Variants in CNTNAP2 observed in about 807,000 individuals in gnomAD.
CNTNAP2 encodes contactin-associated protein-like 2.
CNTNAP2 carries 98 observed loss-of-function variants against 155.2 expected under a neutral mutation model. The observed-to-expected ratio is 0.63, with a 90% CI of 0.54 to 0.75. The LOEUF is 0.75. Ranked by LOEUF, CNTNAP2 falls within the 30% of genes least tolerant of loss-of-function variation. CNTNAP2 has a pLI of 0.00. For missense variants in CNTNAP2, 1,727 were observed against 1,688.1 expected (o/e 1.02, Z -0.40); for synonymous variants, 651 against 631.2 (o/e 1.03, Z -0.47).
intron 1 of CNTNAP2, among the ~76,000 whole-genome samples, chr7:146,325,864 CATGAT>C (rs1303069522): frequency 1.3e-5 from 2 of 152,094 alleles, no homozygotes; most frequent in African/African-American, 2.4e-5. Context: ...TTAAATATGA[CATGAT>C]ATGATGACAT....
At chr7:147,451,674 C>T (rs1357447761) in intron 10 of CNTNAP2, among the ~76,000 whole-genome samples, 2 of 151,868 alleles carry the variant, frequency 1.3e-5, no homozygotes, top group Non-Finnish European at 2.9e-5. Context: ...TCTTGCCTAT[C>T]CCCACCCAAC....
intron 21 of CNTNAP2, among the ~76,000 whole-genome samples, chr7:148,334,970 C>G (rs1464581730): frequency 6.6e-6 from 1 of 152,208 alleles, no homozygotes; most frequent in Non-Finnish European, 1.5e-5. Flanking sequence ...TGAGGTGGAA[C>G]CACTCAAAGA....
At chr7:146,307,309 A>G (rs1266337693) in intron 1 of CNTNAP2, among the ~76,000 whole-genome samples, 1 of 152,174 alleles carries the variant, frequency 6.6e-6, no homozygotes, top group Non-Finnish European at 1.5e-5. Context: ...ACTACAAACC[A>G]CTGCTCAATG....
intron 1 of CNTNAP2, among the ~76,000 whole-genome samples, chr7:146,712,283 TGTATACATATCTTATGTATACTATATA>T (rs1563199237): frequency 0.01 from 195 of 19,240 alleles, 2 homozygotes; most frequent in African/African-American, 0.011. Flanking sequence ...TATACATATA[TGTATACATATCTTATGTATACTATATA>T]GTATACATAT....
Position 147,749,208 on chromosome 7 carries a change from T to C in CNTNAP2, c.2098+109902T>C, listed in dbSNP as rs187329001. ...TTGTATACAAATATGTGTTTATGAA[T>C]CAGAATTATTCAGTATCTATACTGT... On this transcript the variant is annotated intron_variant, in intron 13 of 23. Transcript: ENST00000361727. Among the ~76,000 whole-genome samples the C allele has an allele frequency of 4.2e-3, 645 of 152,306 alleles. 2 individuals carry two copies. Among genetic ancestry groups the C allele is most frequent in the Middle Eastern group, 0.017 (5 of 294 alleles).
Position 146,216,479 on chromosome 7 carries a change from C to G in CNTNAP2, c.97+99506C>G, listed in dbSNP as rs370771335. 7.2e-5 allele frequency among the ~76,000 whole-genome samples: 11 copies of G among 152,144 alleles called. No individual in the cohort carries two copies. In the East Asian group the frequency reaches 1.5e-3, roughly 21 times the overall value. On this transcript the variant is annotated intron_variant, in intron 1 of 23. Coordinates refer to ENST00000361727, the MANE Select transcript of CNTNAP2 (RefSeq NM_014141.6). The stretch of plus-strand genomic sequence containing the variant: ...ACTTCAAAATCCTGCCTCAGCACAC[C>G]CTGTTCCTTTTTCTTTGCACTCCCC...
chr7:147,648,787 G>A (rs1208400048), intron 13 of CNTNAP2, among the ~76,000 whole-genome samples: 1 of 152,146 alleles, frequency 6.6e-6, no homozygotes, highest in African/African-American at 2.4e-5. Context: ...AGATTTGGGT[G>A]TGGACACAGC....
intron 13 of CNTNAP2, among the ~76,000 whole-genome samples, chr7:147,740,472 C>G (rs1408031403): frequency 2.6e-5 from 4 of 152,116 alleles, no homozygotes; most frequent in Non-Finnish European, 5.9e-5. Flanking sequence ...GAAATTACCT[C>G]ATTAAATAAT....
At chr7:146,645,639 C>G (rs970086121) in intron 1 of CNTNAP2, among the ~76,000 whole-genome samples, 1 of 152,128 alleles carries the variant, frequency 6.6e-6, no homozygotes, top group African/African-American at 2.4e-5. Flanking sequence ...AACAGCTTGA[C>G]TGAGATATAT....
At chr7:146,723,592 G>A (rs1801377128) in intron 1 of CNTNAP2, among the ~76,000 whole-genome samples, 1 of 152,118 alleles carries the variant, frequency 6.6e-6, no homozygotes, top group South Asian at 2.1e-4. Context: ...GAGAATTATT[G>A]TTACTAATGA....
chr7:147,346,939 A>T lies in CNTNAP2; in HGVS notation c.1498+46649A>T, dbSNP rs77031412. On this transcript the variant is annotated intron_variant, in intron 9 of 23. Coordinates refer to ENST00000361727, the MANE Select transcript of CNTNAP2 (RefSeq NM_014141.6). The stretch of plus-strand genomic sequence containing the variant: ...TTTTTACTTGGTTGTAGTCACTGTT[A>T]TTCTCCTAAAAATCATGCATTCATT... 1.5e-3 allele frequency among the ~76,000 whole-genome samples: 235 copies of T among 152,194 alleles called. 4 individuals carry two copies. In the East Asian group the frequency reaches 0.041, roughly 26 times the overall value.
chr7:146,959,347 T>C (rs970904678), intron 3 of CNTNAP2, among the ~76,000 whole-genome samples: 3 of 152,106 alleles, frequency 2.0e-5, no homozygotes, highest in Non-Finnish European at 4.4e-5. Context: ...ATGCAAATCT[T>C]TCTCTTATTG....
intron 1 of CNTNAP2, among the ~76,000 whole-genome samples, chr7:146,393,392 G>A (rs997191907): frequency 6.6e-6 from 1 of 152,228 alleles, no homozygotes; most frequent in East Asian, 1.9e-4. Context: ...TACTAGTTTC[G>A]GGAAATTTTT....
At chr7:146,855,807 GTATATATATATATATATATATA>G (rs367900395) in intron 3 of CNTNAP2, among the ~76,000 whole-genome samples, 9,474 of 111,112 alleles carry the variant, frequency 0.085, 453 homozygotes, top group East Asian at 0.16. Flanking sequence ...GTGTTAATGA[GTATATATATATATATATATATA>G]TATATATATA....
At position 147,137,908 on chromosome 7, in the gene CNTNAP2, GATAGATAGGTAGATAGATA is replaced by G. The variant is rs1346032693; in HGVS notation, c.1348+5401_1348+5419del. Among the ~76,000 whole-genome samples, 192 of 132,122 alleles carry G rather than the reference GATAGATAGGTAGATAGATA, an allele frequency of 1.5e-3. 2 individuals are homozygous for G. Among genetic ancestry groups the G allele is most frequent in the Non-Finnish European group, 7.9e-4 (47 of 59,676 alleles). The allele number at this position is 132,122 out of a possible 152,430, so 86.7% of individuals were successfully genotyped here. On this transcript the variant is annotated intron_variant, in intron 8 of 23. Coordinates refer to ENST00000361727, the MANE Select transcript of CNTNAP2 (RefSeq NM_014141.6). ...AGATAGATAGATAGATAGATAGATA[GATAGATAGGTAGATAGATA>G]AAAAGTATTGTCCCTTAAAACTATT...
intron 1 of CNTNAP2, among the ~76,000 whole-genome samples, chr7:146,358,049 T>TATTC (rs201011936): frequency 6.6e-6 from 1 of 151,710 alleles, no homozygotes; most frequent in Non-Finnish European, 1.5e-5. Context: ...TTTATTTATT[T>TATTC]TTTGAGATGG....
At chr7:146,173,846 A>C (rs971526567) in intron 1 of CNTNAP2, among the ~76,000 whole-genome samples, 5 of 152,162 alleles carry the variant, frequency 3.3e-5, no homozygotes, top group Non-Finnish European at 5.9e-5. Context: ...TATGTGGATA[A>C]AAGTGTGCTC....
chr7:146,773,760 A>G (rs1455499805), intron 1 of CNTNAP2, among the ~76,000 whole-genome samples: 2 of 152,192 alleles, frequency 1.3e-5, no homozygotes, highest in African/African-American at 2.4e-5. Flanking sequence ...AATATCATCT[A>G]GAGGTATAAT....
At chr7:146,834,332 T>C (rs1449708980) in intron 2 of CNTNAP2, among the ~76,000 whole-genome samples, 1 of 152,202 alleles carries the variant, frequency 6.6e-6, no homozygotes, top group African/African-American at 2.4e-5. Flanking sequence ...TTCTCTATTG[T>C]AATGGATCAC....
Sources: gnomAD v4.1 joint callset for allele counts (sites outside exome capture counted in the v4.1 genomes callset) on GRCh38, gnomAD v4.1.1 for gene constraint, MANE v1.5 for transcripts, NCBI Gene and HGNC (gene_info 2026-07-23, HGNC 2026-07-21) for gene names.